Variants in EVI5 observed in about 807,000 individuals in gnomAD.
EVI5 encodes the protein ecotropic viral integration site 5 protein homolog.
In EVI5, 73 loss-of-function variants were observed where a neutral mutation model predicts 112.0. The ratio of observed to expected loss-of-function variants is 0.65; its 90% CI spans 0.54 to 0.79. EVI5 has a LOEUF of 0.79. Ranked by LOEUF, EVI5 falls within the 30% of genes least tolerant of loss-of-function variation. EVI5 has a pLI of 0.00. For missense variants in EVI5, 900 were observed against 968.8 expected, an observed-to-expected ratio of 0.93 and a Z score of 0.94; for synonymous variants, 305 against 319.9, an observed-to-expected ratio of 0.95 and a Z score of 0.50.
intron 1 of EVI5, among the ~76,000 whole-genome samples, chr1:92,759,775 G>A (rs1444249739): frequency 2.6e-5 from 4 of 151,710 alleles, no homozygotes; most frequent in African/African-American, 9.7e-5. Flanking sequence ...TGTTTTCAAG[G>A]TTCATCCATG....
chr1:92,694,574 A>C (rs1670010056), intron 7 of EVI5, among the ~76,000 whole-genome samples, 186 bp from the exon 8 acceptor site: 1 of 152,206 alleles, frequency 6.6e-6, no homozygotes, highest in South Asian at 2.1e-4. Context: ...AAAATTACTC[A>C]GTTCTGCCAC....
chr1:92,772,485 G>A (rs1024841875), intron 1 of EVI5, among the ~76,000 whole-genome samples: 1 of 151,828 alleles, frequency 6.6e-6, no homozygotes. Context: ...AATTTCTTGG[G>A]GAAAATTGTT....
At chr1:92,775,487 TTGCTGTTTAGATACACAAGTACCAC>T (rs1570916148) in intron 1 of EVI5, among the ~76,000 whole-genome samples, 1 of 152,244 alleles carries the variant, frequency 6.6e-6, no homozygotes, top group East Asian at 1.9e-4. Context: ...TGGTGTATCT[TTGCTGTTTAGATACACAAGTACCAC>T]TGTGTTACAA....
At chr1:92,634,336 C>G (rs1326388825) in intron 14 of EVI5, among the ~76,000 whole-genome samples, 1 of 152,196 alleles carries the variant, frequency 6.6e-6, no homozygotes, top group African/African-American at 2.4e-5. Context: ...TAGATTTGGT[C>G]TTTTCACATA....
intron 19 of EVI5, among the ~76,000 whole-genome samples, chr1:92,548,960 TACCAATG>T (rs1666296319): frequency 6.6e-6 from 1 of 152,170 alleles, no homozygotes; most frequent in Admixed American, 6.5e-5. Context: ...CCCATCAAGC[TACCAATG>T]ACTTTCTTCA....
intron 1 of EVI5, among the ~76,000 whole-genome samples, chr1:92,777,777 A>T (rs182683099): frequency 6.6e-6 from 1 of 152,348 alleles, no homozygotes; most frequent in East Asian, 1.9e-4. Context: ...AAGGATAAAG[A>T]AAGTTGTGTT....
Position 92,510,586 on chromosome 1 carries a change from G to A in EVI5, c.*3070C>T, listed in dbSNP as rs1391982011. 2 of 152,148 alleles carry A rather than the reference G, an allele frequency of 1.3e-5. No individual in the cohort carries two copies. The highest frequency in any genetic ancestry group is 6.6e-5 in the Admixed American group (1 of 15,260). The allele number at this position is 152,148 out of a possible 1,614,324, so 9.4% of individuals were successfully genotyped here. On this transcript the variant is annotated 3_prime_UTR_variant, in exon 20 of 20. Transcript: ENST00000684568. Reference sequence around the variant, plus strand: ...TGCATTTTAGAGTATCTGTTATCAAGGGTTAGCAAACTTTTTCTGTAAAGG... The same window carrying A: ...TGCATTTTAGAGTATCTGTTATCAAAGGTTAGCAAACTTTTTCTGTAAAGG...
intron 15 of EVI5, among the ~76,000 whole-genome samples, chr1:92,625,498 T>C (rs1206851388): frequency 2.6e-5 from 4 of 152,204 alleles, no homozygotes; most frequent in African/African-American, 9.6e-5. Context: ...AGACAAAATA[T>C]GTATTATATA....
intron 1 of EVI5, among the ~76,000 whole-genome samples, chr1:92,750,488 C>T (rs900917559): frequency 1.3e-5 from 2 of 152,086 alleles, no homozygotes; most frequent in African/African-American, 4.8e-5. Flanking sequence ...TGAAAAACAC[C>T]ACAATCATCA....
Position 92,740,430 on chromosome 1 carries a change from CA to C in EVI5, c.-81-3804del, listed in dbSNP as rs1331195974. ...CCACCCCTCTAATCTGTGTTACACTCATTTTTATCTCCGCTTTTTCTTTTCT... is the reference window on the plus strand; with the variant it reads ...CCACCCCTCTAATCTGTGTTACACTCTTTTTATCTCCGCTTTTTCTTTTCT... On this transcript the variant is annotated intron_variant, in intron 1 of 19. Transcript: ENST00000684568. Among the ~76,000 whole-genome samples the C allele has an allele frequency of 8.5e-5, 13 of 152,250 alleles. No homozygotes were observed. In the East Asian group the frequency reaches 2.1e-3, roughly 25 times the overall value.
intron 6 of EVI5, 27 bp downstream of exon 6, chr1:92,697,833 G>A (rs772647745): frequency 6.3e-7 from 1 of 1,586,450 alleles, no homozygotes; most frequent in Non-Finnish European, 8.6e-7. Context: ...AAGGCAATAT[G>A]CCTTTTTATC....
At chr1:92,626,672 G>A (rs543565399) in intron 14 of EVI5, among the ~76,000 whole-genome samples, 13 of 152,210 alleles carry the variant, frequency 8.5e-5, no homozygotes, top group African/African-American at 3.1e-4. Flanking sequence ...ACTTAATTTT[G>A]AGAACACAGA....
rs575929256 is a variant in EVI5 at position 92,763,265 on chromosome 1, C to T, written c.-82+21571G>A. Among the ~76,000 whole-genome samples, 7 of 152,084 alleles carry T rather than the reference C, an allele frequency of 4.6e-5. No individual in the cohort carries two copies. The South Asian group carries it at 8.3e-4, about 18-fold the overall frequency. ...CCTGGGCAGCAGAGTGAGACTTTGT[C>T]TCAAATAAATAAATACATATATAAA... is the stretch of plus-strand genomic sequence containing the variant. On this transcript the variant is annotated intron_variant, in intron 1 of 19. Transcript: ENST00000684568.
chr1:92,706,266 T>C (rs1671954210), intron 2 of EVI5, among the ~76,000 whole-genome samples: 1 of 152,150 alleles, frequency 6.6e-6, no homozygotes, highest in Non-Finnish European at 1.5e-5. Flanking sequence ...GAATTAATGA[T>C]GATGTTTTAC....
chr1:92,645,449 TG>T (rs1209643157), intron 13 of EVI5, among the ~76,000 whole-genome samples: 1 of 152,180 alleles, frequency 6.6e-6, no homozygotes, highest in Non-Finnish European at 1.5e-5. Context: ...AAGTCCACTG[TG>T]GGGGAAAGTC....
chr1:92,597,657 G>A (rs1557869914), intron 18 of EVI5, among the ~76,000 whole-genome samples: 1 of 152,208 alleles, frequency 6.6e-6, no homozygotes. Context: ...AACATCAGAA[G>A]ATGAATGAAT....
At chr1:92,756,253 T>G (rs948922931) in intron 1 of EVI5, 1 of 430,136 alleles carries the variant, frequency 2.3e-6, no homozygotes, top group Non-Finnish European at 4.7e-6. Context: ...CAGCTGCCCA[T>G]TTCATTGAAT....
intron 1 of EVI5, chr1:92,756,922 A>G: frequency 2.8e-6 from 1 of 360,298 alleles, no homozygotes; most frequent in Non-Finnish European, 5.6e-6. Context: ...AGACAAATGA[A>G]CATTACCCTT....
At chr1:92,558,828 C>T (rs149591845) in intron 19 of EVI5, among the ~76,000 whole-genome samples, 1 of 147,250 alleles carries the variant, frequency 6.8e-6, no homozygotes, top group African/African-American at 2.6e-5. Context: ...ATAGTGAGAC[C>T]CCCATCTCTA....
Sources: gnomAD v4.1 joint callset for allele counts (sites outside exome capture counted in the v4.1 genomes callset) on GRCh38, gnomAD v4.1.1 for gene constraint, MANE v1.5 for transcripts, NCBI Gene and HGNC (gene_info 2026-07-23, HGNC 2026-07-21) for gene names.